The following NPSR1 variants were observed in gnomAD, a reference collection of about 807,000 sequenced individuals.
NPSR1 encodes neuropeptide S receptor.
In NPSR1, 48 loss-of-function variants were observed where a neutral mutation model predicts 46.9. That is an observed-to-expected ratio of 1.02 (90% CI 0.81 to 1.30). The LOEUF (loss-of-function observed/expected upper bound fraction) is 1.30, where lower values mean the gene tolerates loss of function less well. Ranked by LOEUF, NPSR1 falls within the 50% of genes most tolerant of loss-of-function variation. The pLI, the probability that NPSR1 is intolerant of heterozygous loss-of-function variation, is 0.00. For synonymous variants in NPSR1, 176 were observed against 168.1 expected (o/e 1.05, Z -0.36); for missense variants, 450 against 449.5 (o/e 1.00, Z -0.01).
intron 3 of NPSR1, among the ~76,000 whole-genome samples, chr7:34,783,695 A>T (rs1029539301): frequency 6.6e-6 from 1 of 152,116 alleles, no homozygotes; most frequent in African/African-American, 2.4e-5. Context: ...TGAAAATAAG[A>T]CTACACCAAG....
intron 5 of NPSR1, 50 bp from the exon 6 acceptor site, chr7:34,834,334 C>T (rs768395584): frequency 5.7e-6 from 8 of 1,410,174 alleles, no homozygotes; most frequent in Non-Finnish European, 8.0e-6. Flanking sequence ...TGTGTCCTCA[C>T]AGTAGGGATC....
At chr7:34,846,505 A>G (rs1175529533) in intron 7 of NPSR1, among the ~76,000 whole-genome samples, 1 of 152,260 alleles carries the variant, frequency 6.6e-6, no homozygotes, top group African/African-American at 2.4e-5. Flanking sequence ...CTAAAATGAA[A>G]CAATACTATT....
chr7:34,681,926 A>G (rs1792659234), intron 1 of NPSR1, among the ~76,000 whole-genome samples: 1 of 152,184 alleles, frequency 6.6e-6, no homozygotes, highest in Admixed American at 6.5e-5. Flanking sequence ...TATATAATTG[A>G]CTATCCAACC....
In NPSR1 at chr7:34,859,018, G is replaced by T. The variant is rs1465917600; in HGVS notation, c.1025+10355G>T. 1.3e-5 allele frequency among the ~76,000 whole-genome samples: 2 copies of T among 151,672 alleles called. 1 individual carries two copies. The highest frequency in any genetic ancestry group is 4.9e-5 in the African/African-American group (2 of 40,982). ...CAGAGTCTCTTTTTTGCTCTAGGTGGCAGGTTCAAGGGTGTTCAGTTTATT... is the reference window on the plus strand; with the variant it reads ...CAGAGTCTCTTTTTTGCTCTAGGTGTCAGGTTCAAGGGTGTTCAGTTTATT... On this transcript the variant is annotated intron_variant, in intron 8 of 8. Transcript: ENST00000359791.
At chr7:34,725,099 TCA>T (rs56880784) in intron 2 of NPSR1, among the ~76,000 whole-genome samples, 19,666 of 146,230 alleles carry the variant, frequency 0.13, 1,294 homozygotes, top group Middle Eastern at 0.17. Context: ...ACACACAGAC[TCA>T]CACACACACA....
intron 2 of NPSR1, among the ~76,000 whole-genome samples, chr7:34,710,108 TCAAGC>T (rs1378982880): frequency 6.6e-6 from 1 of 152,218 alleles, no homozygotes; most frequent in Non-Finnish European, 1.5e-5. Flanking sequence ...CCTTAGGAAC[TCAAGC>T]CATAGCTTCC....
intron 2 of NPSR1, among the ~76,000 whole-genome samples, chr7:34,692,972 G>A (rs901524466): frequency 1.3e-5 from 2 of 152,158 alleles, no homozygotes; most frequent in African/African-American, 4.8e-5. Context: ...TTATATCATG[G>A]AGGCAGATTT....
chr7:34,710,108 T>G (rs1014016699), intron 2 of NPSR1, among the ~76,000 whole-genome samples: 1 of 152,218 alleles, frequency 6.6e-6, no homozygotes, highest in African/African-American at 2.4e-5. Flanking sequence ...CCTTAGGAAC[T>G]CAAGCCATAG....
At chr7:34,756,580 T>C (rs1785869842) in intron 2 of NPSR1, among the ~76,000 whole-genome samples, 1 of 152,242 alleles carries the variant, frequency 6.6e-6, no homozygotes. Context: ...CAAACAGGCA[T>C]GGCTGTGTAA....
At chr7:34,808,265 T>A (rs952935107) in intron 3 of NPSR1, among the ~76,000 whole-genome samples, 1 of 152,216 alleles carries the variant, frequency 6.6e-6, no homozygotes, top group African/African-American at 2.4e-5. Flanking sequence ...TCTCCAGAGC[T>A]GTGCGAGAAT....
At position 34,827,499 on chromosome 7, in the gene NPSR1, G is replaced by A. The variant is rs778667665; in HGVS notation, c.577G>A (p.Gly193Ser). Residue 193 changes from glycine (G) to serine (S), a missense_variant, in exon 5 of 9, where the codon GGT becomes AGT. Physicochemically the swap from Gly to Ser is moderately conservative, Grantham distance 56. Coordinates refer to ENST00000360581, the MANE Select transcript of NPSR1 (RefSeq NM_207172.2). Reference protein sequence around the residue: ...IIFGKRTLSNGEVQCWALWPD... With the variant: ...IIFGKRTLSNSEVQCWALWPD... The stretch of plus-strand genomic sequence containing the variant: ...ATTTGGGAAGAGGACACTGTCCAAC[G>A]GTGAAGTGCAGTGCTGGGCCCTGTG... 55 of 1,613,862 alleles carry A rather than the reference G, an allele frequency of 3.4e-5. No homozygotes were observed. The Admixed American group carries it at 5.8e-4, about 17-fold the overall frequency.
At chr7:34,778,653 C>G (rs1474998612) in intron 3 of NPSR1, 88 bp downstream of exon 3, 1 of 793,896 alleles carries the variant, frequency 1.3e-6, no homozygotes, top group East Asian at 2.7e-5. Context: ...TAAAACCTTG[C>G]ATTCCTATGC....
In NPSR1 at chr7:34,712,712, C is replaced by T. The variant is rs542395692; in HGVS notation, c.280+28028C>T. Among the ~76,000 whole-genome samples, 4 of 152,264 alleles carry T rather than the reference C, an allele frequency of 2.6e-5. No homozygotes were observed. The South Asian group carries it at 8.3e-4, about 32-fold the overall frequency. ...CAGAGATGTATTTAAGCTTATAAGTCTAAATAAAAGTTGGGGGTTTAAAAA... is the reference window on the plus strand; with the variant it reads ...CAGAGATGTATTTAAGCTTATAAGTTTAAATAAAAGTTGGGGGTTTAAAAA... On this transcript the variant is annotated intron_variant, in intron 2 of 8. Coordinates refer to ENST00000360581, the MANE Select transcript of NPSR1 (RefSeq NM_207172.2).
chr7:34,756,017 T>C (rs1785818849), intron 2 of NPSR1, among the ~76,000 whole-genome samples: 1 of 151,954 alleles, frequency 6.6e-6, no homozygotes. Context: ...CAAATACAGG[T>C]CTCTGAATAT....
chr7:34,771,614 A>G (rs1470210040), intron 2 of NPSR1, among the ~76,000 whole-genome samples: 1 of 152,208 alleles, frequency 6.6e-6, no homozygotes, highest in African/African-American at 2.4e-5. Flanking sequence ...ATATCTGCAC[A>G]TTAGTCTAGG....
At chr7:34,878,137 T>C (rs757636414) in exon 9 of NPSR1, 3 of 1,610,142 alleles carry the variant, frequency 1.9e-6, no homozygotes. Context: ...ACGAGAGAAC[T>C]GGAAGGGTAC....
intron 2 of NPSR1, among the ~76,000 whole-genome samples, chr7:34,704,445 G>T (rs571388348): frequency 4.6e-5 from 7 of 151,828 alleles, no homozygotes; most frequent in African/African-American, 1.4e-4. Flanking sequence ...TTATTGCCTT[G>T]TAGTCAAGGA....
At chr7:34,816,326 C>T (rs12538418) in intron 4 of NPSR1, among the ~76,000 whole-genome samples, 26,651 of 59,354 alleles carry the variant, frequency 0.45, 6,567 homozygotes, top group East Asian at 0.52. Flanking sequence ...AAGAAGGCCA[C>T]TGCATAATGG....
chr7:34,689,955 T>TA (rs112039936), intron 2 of NPSR1, among the ~76,000 whole-genome samples: 1,725 of 136,664 alleles, frequency 0.013, 27 homozygotes, highest in African/African-American at 0.032. Context: ...TAAAAAAAAT[T>TA]AAAAAAAAAA....
Sources: gnomAD v4.1 joint callset for allele counts (sites outside exome capture counted in the v4.1 genomes callset) on GRCh38, gnomAD v4.1.1 for gene constraint, MANE v1.5 for transcripts, NCBI Gene and HGNC (gene_info 2026-07-23, HGNC 2026-07-21) for gene names.